The following SLC24A3 variants were observed in gnomAD, a reference collection of about 807,000 sequenced individuals.
SLC24A3 encodes the protein solute carrier family 24 member 3, also known as sodium/potassium/calcium exchanger 3.
In SLC24A3, 28 loss-of-function variants were observed where a neutral mutation model predicts 75.8. The ratio of observed to expected loss-of-function variants is 0.37; its 90% confidence interval spans 0.27 to 0.51. The LOEUF (loss-of-function observed/expected upper bound fraction) is 0.51. Ranked by LOEUF, SLC24A3 falls within the 20% of genes least tolerant of loss-of-function variation. The pLI is 0.94. For missense variants in SLC24A3, 663 were observed against 847.8 expected (o/e 0.78, Z 2.71); for synonymous variants, 372 against 334.1 (o/e 1.11, Z -1.24).
chr20:19,570,283 G>A (rs950381165), intron 3 of SLC24A3, among the ~76,000 whole-genome samples: 1 of 152,158 alleles, frequency 6.6e-6, no homozygotes, highest in Non-Finnish European at 1.5e-5. Flanking sequence ...GGAGATGTCT[G>A]CCCCTATGAT....
chr20:19,227,739 ATATT>A (rs1981908984), intron 1 of SLC24A3, among the ~76,000 whole-genome samples: 1 of 152,128 alleles, frequency 6.6e-6, no homozygotes, highest in Non-Finnish European at 1.5e-5. Context: ...TTATTTTGTT[ATATT>A]TACTCATTAA....
chr20:19,346,163 TATATATG>T (rs1341443477), intron 2 of SLC24A3, among the ~76,000 whole-genome samples: 3,284 of 114,838 alleles, frequency 0.029, 1,088 homozygotes, highest in African/African-American at 0.086. Flanking sequence ...ATATGGTGTA[TATATATG>T]GTATATATAT....
chr20:19,293,928 C>A (rs540972869), intron 2 of SLC24A3, among the ~76,000 whole-genome samples: 2 of 152,152 alleles, frequency 1.3e-5, no homozygotes, highest in African/African-American at 2.4e-5. Context: ...GACACCCCCC[C>A]ACCTCAGAAT....
chr20:19,665,595 G>A (rs1439573916), intron 7 of SLC24A3, among the ~76,000 whole-genome samples: 2 of 152,188 alleles, frequency 1.3e-5, no homozygotes, highest in East Asian at 1.9e-4. Context: ...GAAATTGCAG[G>A]AAGAAGGGAA....
intron 15 of SLC24A3, among the ~76,000 whole-genome samples, chr20:19,712,740 G>A (rs941617711): frequency 6.6e-6 from 1 of 152,208 alleles, no homozygotes; most frequent in Non-Finnish European, 1.5e-5. Flanking sequence ...AAAACTGGAA[G>A]TGGCCCAGAT....
At position 19,677,760 on chromosome 20, in the gene SLC24A3, AT is replaced by A. The variant is rs200738988; in HGVS notation, c.768-4095del. 6.0e-3 allele frequency among the ~76,000 whole-genome samples: 725 copies of A among 121,282 alleles called. 6 individuals carry two copies. Among genetic ancestry groups the A allele is most frequent in the Admixed American group, 0.053 (531 of 10,090 alleles). The allele number at this position is 121,282 out of a possible 152,430, so 79.6% of individuals were successfully genotyped here. ...TCTTGGGTGTTTCTCACAGAGGGGG[AT>A]TTGGCAGGGTCGTAGGACAATAGTG... On this transcript the variant is annotated intron_variant, in intron 9 of 16. Coordinates refer to ENST00000328041, the MANE Select transcript of SLC24A3 (RefSeq NM_020689.4).
intron 1 of SLC24A3, among the ~76,000 whole-genome samples, chr20:19,231,251 AC>A (rs1203761048): frequency 1.3e-5 from 2 of 152,186 alleles, no homozygotes; most frequent in African/African-American, 4.8e-5. Context: ...ACAAGGAGCT[AC>A]CCCAGTGTGG....
intron 2 of SLC24A3, among the ~76,000 whole-genome samples, chr20:19,492,850 C>T (rs1040996138): frequency 3.9e-5 from 6 of 152,100 alleles, no homozygotes; most frequent in Admixed American, 1.3e-4. Flanking sequence ...TCTACACATC[C>T]CTGGAAGCAC....
chr20:19,452,897 A>AC (rs1987512152), intron 2 of SLC24A3, among the ~76,000 whole-genome samples: 1 of 152,052 alleles, frequency 6.6e-6, no homozygotes, highest in Non-Finnish European at 1.5e-5. Flanking sequence ...AATATTAGCC[A>AC]CCTGTACCAG....
chr20:19,485,819 A>G (rs1176292832), intron 2 of SLC24A3, among the ~76,000 whole-genome samples: 1 of 152,168 alleles, frequency 6.6e-6, no homozygotes, highest in African/African-American at 2.4e-5. Context: ...ACAGAAACAA[A>G]GTGCCCCCCA....
At chr20:19,706,300 T>C (rs1444751296) in intron 15 of SLC24A3, among the ~76,000 whole-genome samples, 1 of 152,206 alleles carries the variant, frequency 6.6e-6, no homozygotes, top group Non-Finnish European at 1.5e-5. Flanking sequence ...CCTATGCTCC[T>C]GGACCTACAG....
intron 1 of SLC24A3, among the ~76,000 whole-genome samples, chr20:19,256,736 TC>T (rs1982827220): frequency 7.3e-6 from 1 of 136,924 alleles, no homozygotes; most frequent in South Asian, 2.3e-4. Flanking sequence ...GCCACTGCAC[TC>T]CAGCCTGGGT....
At chr20:19,257,109 C>T (rs890012960) in intron 1 of SLC24A3, among the ~76,000 whole-genome samples, 1 of 152,082 alleles carries the variant, frequency 6.6e-6, no homozygotes, top group African/African-American at 2.4e-5. Flanking sequence ...TATGACCCAA[C>T]TTGAAAAAAG....
intron 2 of SLC24A3, among the ~76,000 whole-genome samples, chr20:19,477,818 C>G (rs1216033132): frequency 6.6e-6 from 1 of 152,124 alleles, no homozygotes; most frequent in East Asian, 1.9e-4. Context: ...CTGACTCTAC[C>G]CTGTGTGATA....
chr20:19,361,860 A>G (rs1368748543), intron 2 of SLC24A3, among the ~76,000 whole-genome samples: 1 of 152,174 alleles, frequency 6.6e-6, no homozygotes, highest in Non-Finnish European at 1.5e-5. Flanking sequence ...CATATCTTAA[A>G]ATTTTCCTAA....
chr20:19,466,751 G>A (rs967751982), intron 2 of SLC24A3, among the ~76,000 whole-genome samples: 3 of 148,476 alleles, frequency 2.0e-5, no homozygotes, highest in Admixed American at 6.6e-5. Flanking sequence ...TGCCAAGACC[G>A]GTGTCTATTT....
chr20:19,694,293 G>T (rs2032779901), intron 13 of SLC24A3: 1 of 152,166 alleles, frequency 6.6e-6, no homozygotes, highest in African/African-American at 2.4e-5. Flanking sequence ...GCAAAATGAT[G>T]CAAATCCAAA....
At chr20:19,615,863 G>T (rs1290032141) in intron 6 of SLC24A3, among the ~76,000 whole-genome samples, 5 of 152,152 alleles carry the variant, frequency 3.3e-5, no homozygotes, top group Non-Finnish European at 7.4e-5. Flanking sequence ...ACAGACTGAA[G>T]GCTACACTGT....
At chr20:19,692,310 C>T (rs1354243139) in intron 12 of SLC24A3, among the ~76,000 whole-genome samples, 1 of 152,082 alleles carries the variant, frequency 6.6e-6, no homozygotes, top group Non-Finnish European at 1.5e-5. Context: ...AACATGACCA[C>T]AAAAAGACTT....
Sources: allele counts gnomAD v4.1 joint callset (sites outside exome capture counted in the v4.1 genomes callset), GRCh38; gene constraint gnomAD v4.1.1; transcripts MANE v1.5; gene names NCBI Gene and HGNC (gene_info 2026-07-23, HGNC 2026-07-21).